Variants in BICC1 observed in about 807,000 individuals in gnomAD.
BICC1 encodes protein bicaudal C homolog 1.
A neutral mutation model predicts 111.0 loss-of-function variants in BICC1; 43 were observed. That is an observed-to-expected ratio of 0.39 (90% CI 0.30 to 0.50). The LOEUF is 0.50. Among genes scored for constraint, BICC1 ranks in the 20% least tolerant of loss-of-function variants. The pLI, the probability that BICC1 is intolerant of heterozygous loss-of-function variation, is 0.88. For synonymous variants in BICC1, 467 were observed against 434.4 expected (o/e 1.07, Z -0.93); for missense variants, 1,091 against 1,203.2 (o/e 0.91, Z 1.38).
At chr10:58,589,461 CTT>C (rs35939695) in intron 1 of BICC1, among the ~76,000 whole-genome samples, 14 of 148,890 alleles carry the variant, frequency 9.4e-5, no homozygotes, top group South Asian at 2.1e-4. Flanking sequence ...TACAGCTTTA[CTT>C]TTTTTTTTTT....
chr10:58,765,702 T>C (rs1842437975), intron 3 of BICC1, among the ~76,000 whole-genome samples: 1 of 152,322 alleles, frequency 6.6e-6, no homozygotes, highest in African/African-American at 2.4e-5. Flanking sequence ...CCAACTAAAA[T>C]TTTGTATTCT....
At chr10:58,701,690 A>T (rs2893782) in intron 2 of BICC1, among the ~76,000 whole-genome samples, 1 of 152,120 alleles carries the variant, frequency 6.6e-6, no homozygotes, top group Non-Finnish European at 1.5e-5. Flanking sequence ...TACAGGAATC[A>T]TGTTTGGTGT....
intron 1 of BICC1, among the ~76,000 whole-genome samples, chr10:58,533,452 C>T (rs1842733129): frequency 6.6e-6 from 1 of 151,690 alleles, no homozygotes; most frequent in South Asian, 2.1e-4. Context: ...CTTTTTGGAG[C>T]TTATGACAAG....
intron 17 of BICC1, 107 bp from the exon 18 acceptor site, chr10:58,813,723 T>G: frequency 8.5e-7 from 1 of 1,176,952 alleles, no homozygotes; most frequent in Non-Finnish European, 1.2e-6. Context: ...CTGCGGTGGT[T>G]GGCAAGAGAA....
intron 2 of BICC1, among the ~76,000 whole-genome samples, chr10:58,623,239 A>G (rs563500406): frequency 6.6e-6 from 1 of 152,318 alleles, no homozygotes; most frequent in South Asian, 2.1e-4. Flanking sequence ...AAAATAATAA[A>G]ATTAATTTTA....
At chr10:58,714,015 G>T (rs1840657871) in intron 3 of BICC1, among the ~76,000 whole-genome samples, 1 of 152,152 alleles carries the variant, frequency 6.6e-6, no homozygotes, top group Non-Finnish European at 1.5e-5. Context: ...CTGGGAGAGG[G>T]TGCTACTGGC....
chr10:58,589,029 C>T (rs900472270), intron 1 of BICC1, among the ~76,000 whole-genome samples: 1 of 152,142 alleles, frequency 6.6e-6, no homozygotes, highest in African/African-American at 2.4e-5. Flanking sequence ...CCAAGGACAC[C>T]GGCAGCCAAG....
intron 2 of BICC1, among the ~76,000 whole-genome samples, chr10:58,666,425 A>T (rs1004966661): frequency 2.6e-5 from 4 of 152,220 alleles, no homozygotes; most frequent in African/African-American, 9.6e-5. Context: ...AGAAGTACTG[A>T]GTCCTTCTCA....
chr10:58,789,520 G>T, intron 7 of BICC1, 64 bp downstream of exon 7: 1 of 1,522,696 alleles, frequency 6.6e-7, no homozygotes, highest in Admixed American at 2.0e-5. Context: ...CATTTTTAAA[G>T]AATATTAGAC....
intron 2 of BICC1, among the ~76,000 whole-genome samples, chr10:58,662,901 A>T (rs1838887492): frequency 6.6e-6 from 1 of 152,122 alleles, no homozygotes; most frequent in Non-Finnish European, 1.5e-5. Flanking sequence ...TGAAAAAGAG[A>T]ACTCTTGCAA....
intron 3 of BICC1, among the ~76,000 whole-genome samples, chr10:58,762,799 A>G (rs545513888): frequency 6.6e-6 from 1 of 152,274 alleles, no homozygotes; most frequent in South Asian, 2.1e-4. Context: ...TTGAAAATGT[A>G]CTTTAAAAAC....
chr10:58,674,272 A>G (rs952910564), intron 2 of BICC1, among the ~76,000 whole-genome samples: 3 of 151,644 alleles, frequency 2.0e-5, no homozygotes, highest in Admixed American at 6.6e-5. Flanking sequence ...ATCAAGTGTC[A>G]GTTACCATTT....
chr10:58,785,174 C>G (rs867771558), intron 4 of BICC1, 94 bp downstream of exon 4: 1 of 650,392 alleles, frequency 1.5e-6, no homozygotes, highest in Non-Finnish European at 2.5e-6. Context: ...AGAAGAAAAA[C>G]CAGGAGAAAG....
At chr10:58,772,097 C>T (rs1842635358) in intron 3 of BICC1, among the ~76,000 whole-genome samples, 1 of 152,128 alleles carries the variant, frequency 6.6e-6, no homozygotes, top group South Asian at 2.1e-4. Context: ...AGTAGGCATT[C>T]GGTGAGCCTT....
chr10:58,715,513 T>C (rs1840712056), intron 3 of BICC1: 10 of 1,203,302 alleles, frequency 8.3e-6, no homozygotes, highest in Non-Finnish European at 1.1e-5. Flanking sequence ...CTCTCTGGCC[T>C]GGTTTCCCTC....
intron 2 of BICC1, among the ~76,000 whole-genome samples, chr10:58,696,248 CTATT>C (rs138664426): frequency 0.016 from 2,415 of 152,054 alleles, 60 homozygotes; most frequent in African/African-American, 0.056. Context: ...GTTAAGATAA[CTATT>C]TAACTTCCAA....
chr10:58,538,137 G>A (rs1279786039), intron 1 of BICC1, among the ~76,000 whole-genome samples: 1 of 151,666 alleles, frequency 6.6e-6, no homozygotes, highest in East Asian at 1.9e-4. Context: ...AATTCACATG[G>A]AACCAAAATA....
chr10:58,571,488 T>A (rs1450847197), intron 1 of BICC1, among the ~76,000 whole-genome samples: 1 of 130,936 alleles, frequency 7.6e-6, no homozygotes, highest in Non-Finnish European at 1.6e-5. Context: ...TTCTCCCTCC[T>A]CCCACCCCCG....
At chr10:58,753,299 A>G (rs955158111) in intron 3 of BICC1, among the ~76,000 whole-genome samples, 2 of 152,122 alleles carry the variant, frequency 1.3e-5, no homozygotes, top group Admixed American at 6.6e-5. Flanking sequence ...CTCCTGAGCA[A>G]TTGGGACCCC....
Sources: gnomAD v4.1 joint callset for allele counts (sites outside exome capture counted in the v4.1 genomes callset) on GRCh38, gnomAD v4.1.1 for gene constraint, MANE v1.5 for transcripts, NCBI Gene and HGNC (gene_info 2026-07-23, HGNC 2026-07-21) for gene names.